HEPH: variants seen among roughly 807,000 people sequenced by gnomAD.
The protein encoded by HEPH is hephaestin.
HEPH carries 69 observed loss-of-function variants against 80.8 expected under a neutral mutation model. The ratio of observed to expected loss-of-function variants is 0.85; its 90% CI spans 0.70 to 1.04. The LOEUF (loss-of-function observed/expected upper bound fraction) is 1.04, where lower values mean the gene tolerates loss of function less well. Ranked by LOEUF, HEPH falls within the 50% of genes least tolerant of loss-of-function variation. The pLI is 0.00. For synonymous variants in HEPH, 431 were observed against 322.8 expected, an observed-to-expected ratio of 1.34 and a Z score of -3.60; for missense variants, 1,115 against 891.3, an observed-to-expected ratio of 1.25 and a Z score of -3.20.
chrX:66,195,208 G>T lies in HEPH; in HGVS notation c.1480G>T (p.Glu494Ter). Residue 494 changes from glutamate (E) to a stop codon, truncating the protein, a stop_gained, in exon 9 of 21, where the codon GAA becomes TAA. Transcript: ENST00000343002. LOFTEE classifies it high-confidence loss of function. ...PHGVFYEKDY[E>*]GTVYNDGSSY... is the part of the protein sequence containing the mutation. ...TGGGGTCTTTTATGAGAAAGACTAT[G>T]AAGGCACTGTGTACAATGATGGTGA... 1 of 1,196,120 alleles carries T rather than the reference G, an allele frequency of 8.4e-7. No individual in the cohort carries two copies. The highest frequency in any genetic ancestry group is 1.1e-6 in the Non-Finnish European group (1 of 888,014).
At chrX:66,173,968 T>C (rs1183974398) in intron 4 of HEPH, among the ~76,000 whole-genome samples, 167 bp downstream of exon 4, 1 of 111,229 alleles carries the variant, frequency 9.0e-6, no homozygotes, top group Non-Finnish European at 1.9e-5. Flanking sequence ...CACTATTTTT[T>C]TTTTTGCAAT....
At chrX:66,244,770 A>G (rs1372542670) in intron 15 of HEPH, among the ~76,000 whole-genome samples, 1 of 110,913 alleles carries the variant, frequency 9.0e-6, no homozygotes, top group Non-Finnish European at 1.9e-5. Context: ...ATTCTTTTTC[A>G]TCTGTGTAGG....
intron 15 of HEPH, among the ~76,000 whole-genome samples, chrX:66,217,261 A>G (rs2089439139): frequency 9.0e-6 from 1 of 111,084 alleles, no homozygotes. Flanking sequence ...CTAAGGAAAG[A>G]ATTATAAAAA....
At position 66,200,694 on chromosome X, in the gene HEPH, T is replaced by C. The variant is rs1039262482; in HGVS notation, c.2019T>C (p.Gly673=). 4 of 1,209,345 alleles carry C rather than the reference T, an allele frequency of 3.3e-6. No homozygotes were observed. The African/African-American group carries it at 7.0e-5, about 21-fold the overall frequency. Residue 673 remains glycine (G), a synonymous_variant, in exon 12 of 21, where the codon GGT becomes GGC. Transcript: ENST00000343002. ...TGCAGCTTCAGGGCATGAGGAAGGG[T>C]GCAGCTATGCTCTTTCCTCATACCT... The part of the protein sequence containing the change: ...NTVQLQGMRK[G]AAMLFPHTFV...
At position 66,207,243 on chromosome X, in the gene HEPH, A is replaced by G; in HGVS notation, c.2340A>G (p.Arg780=). 1 of 1,206,426 alleles carries G rather than the reference A, an allele frequency of 8.3e-7. No homozygotes were observed. The highest frequency in any genetic ancestry group is 1.1e-6 in the Non-Finnish European group (1 of 892,183). ...LSNKDGLLGS[R]YKKAVFREYT... The stretch of plus-strand genomic sequence containing the variant: ...ACAAGGATGGGCTCCTGGGTTCCAG[A>G]TACAAGAAAGCTGTATTCAGGGAAT... The change falls in exon 14 of 21, where the codon AGA becomes AGG. Residue 780 remains arginine, a synonymous_variant. Transcript: ENST00000343002.
intron 15 of HEPH, among the ~76,000 whole-genome samples, chrX:66,228,385 G>A (rs1298912965): frequency 8.9e-6 from 1 of 112,509 alleles, no homozygotes; most frequent in Non-Finnish European, 1.9e-5. Context: ...ATCAACTCAA[G>A]ATGGATCAAA....
chrX:66,208,631 C>CATATAT (rs56924616), intron 15 of HEPH, among the ~76,000 whole-genome samples: 31 of 35,103 alleles, frequency 8.8e-4, no homozygotes, highest in East Asian at 1.8e-3. Context: ...TATATACATA[C>CATATAT]ATATATATAT....
chrX:66,199,709 T>A (rs759151526), intron 11 of HEPH, among the ~76,000 whole-genome samples: 4 of 112,201 alleles, frequency 3.6e-5, no homozygotes, highest in African/African-American at 1.3e-4. Context: ...CAACTGATAC[T>A]GCAGAATTTT....
At chrX:66,265,136 A>T (rs756945692) in intron 20 of HEPH, among the ~76,000 whole-genome samples, 3 of 110,909 alleles carry the variant, frequency 2.7e-5, no homozygotes, top group Non-Finnish European at 5.7e-5. Context: ...CTTCTATTTG[A>T]ACTCATTATA....
chrX:66,258,815 C>A (rs769405370), intron 17 of HEPH, 25 bp from the exon 18 acceptor site: 22 of 1,109,148 alleles, frequency 2.0e-5, no homozygotes, highest in East Asian at 1.7e-4. Context: ...CTTTTCTTTT[C>A]TTTTCTTTTC....
Position 66,198,947 on chromosome X carries a change from G to A in HEPH, c.1783G>A (p.Ala595Thr), listed in dbSNP as rs17216603. 33,846 of 1,204,371 alleles carry A rather than the reference G, an allele frequency of 0.028. 385 individuals carry two copies. The highest frequency in any genetic ancestry group is 0.031 in the Non-Finnish European group (27,908 of 889,882). The change falls in exon 11 of 21, where the codon GCC becomes ACC. Residue 595 changes from alanine (A) to threonine (T), a missense_variant. Coordinates refer to ENST00000343002, the MANE Select transcript of HEPH (RefSeq NM_001367233.3). ...TGAGAACAAGAGCTGGTACAGCAAT[G>A]CCAATCAAGCAGCTGCTATGTTGGA... ...LDENKSWYSN[A>T]NQAAAMLDFR...
intron 15 of HEPH, among the ~76,000 whole-genome samples, chrX:66,246,962 A>G (rs1033714446): frequency 8.9e-6 from 1 of 112,174 alleles, no homozygotes; most frequent in Non-Finnish European, 1.9e-5. Context: ...TTTATTGACG[A>G]GTATTTTTTT....
Position 66,256,206 on chromosome X carries a change from G to T in HEPH, c.2772G>T (p.Leu924Phe). The change falls in exon 17 of 21, where the codon TTG becomes TTT. Residue 924 changes from leucine to phenylalanine, a missense_variant. This residue lies in a region of HEPH where 716 missense variants were observed against 523.5 expected (regional missense o/e 1.37). Coordinates refer to ENST00000343002, the MANE Select transcript of HEPH (RefSeq NM_001367233.3). ...RSDMDREFAL[L>F]FLIFDENKSW... The stretch of plus-strand genomic sequence containing the variant: ...ACATGGATCGGGAATTTGCATTGTT[G>T]TTCTTGATTTTTGATGAAAATAAGT... The T allele has an allele frequency of 8.3e-7, 1 of 1,211,134 alleles. No homozygotes were observed. The highest frequency in any genetic ancestry group is 1.1e-6 in the Non-Finnish European group (1 of 894,934).
At chrX:66,258,509 G>A (rs1362161510) in intron 17 of HEPH, among the ~76,000 whole-genome samples, 1 of 111,944 alleles carries the variant, frequency 8.9e-6, no homozygotes, top group Non-Finnish European at 1.9e-5. Flanking sequence ...ATGAGTCTAG[G>A]AAGGTGGTTT....
chrX:66,170,996 C>A, intron 2 of HEPH: 1 of 340,812 alleles, frequency 2.9e-6, no homozygotes, highest in South Asian at 4.1e-5. Flanking sequence ...CTCATACCCA[C>A]AATGCTTACT....
At chrX:66,238,358 T>G (rs2148063279) in intron 15 of HEPH, among the ~76,000 whole-genome samples, 1 of 111,584 alleles carries the variant, frequency 9.0e-6, no homozygotes, top group South Asian at 3.8e-4. Context: ...GGATCTTATT[T>G]TTCCTTTGCT....
At chrX:66,224,012 G>C (rs1045401580) in intron 15 of HEPH, among the ~76,000 whole-genome samples, 1 of 109,484 alleles carries the variant, frequency 9.1e-6, no homozygotes, top group Admixed American at 9.8e-5. Context: ...TAAACAACCA[G>C]TTAATGTATT....
chrX:66,258,275 T>A (rs1160064332), intron 17 of HEPH, among the ~76,000 whole-genome samples: 1 of 111,153 alleles, frequency 9.0e-6, no homozygotes, highest in African/African-American at 3.3e-5. Flanking sequence ...AGTTCACAGG[T>A]GGAAGGGGAT....
In HEPH at chrX:66,204,772, C is replaced by G. The variant is rs2088669016; in HGVS notation, c.2291+1195C>G. On this transcript the variant is annotated intron_variant, in intron 13 of 20. Coordinates refer to ENST00000343002, the MANE Select transcript of HEPH (RefSeq NM_001367233.3). The stretch of plus-strand genomic sequence containing the variant: ...TTTATTTAGTTCCTCTCACTTGTTT[C>G]TGATCAGAACCCAGTGAGATACTTC... 2.7e-5 allele frequency among the ~76,000 whole-genome samples: 3 copies of G among 111,894 alleles called. No homozygotes were observed. The South Asian group carries it at 1.1e-3, about 42-fold the overall frequency.
Sources: allele counts gnomAD v4.1 joint callset (sites outside exome capture counted in the v4.1 genomes callset), GRCh38; gene constraint gnomAD v4.1.1; regional missense constraint gnomAD v4.1.1; transcripts MANE v1.5; gene names NCBI Gene and HGNC (gene_info 2026-07-23, HGNC 2026-07-21).